USP47: variants seen among roughly 807,000 people sequenced by gnomAD.
USP47 encodes the protein ubiquitin carboxyl-terminal hydrolase 47.
A neutral mutation model predicts 165.1 loss-of-function variants in USP47; 35 were observed. That is an observed-to-expected ratio of 0.21 (90% CI 0.16 to 0.28). The LOEUF (loss-of-function observed/expected upper bound fraction) is 0.28, where lower values mean the gene tolerates loss of function less well. Among genes scored for constraint, USP47 ranks in the 10% least tolerant of loss-of-function variants. The pLI is 1.00. For synonymous variants in USP47, 531 were observed against 544.5 expected (o/e 0.98, Z 0.35); for missense variants, 1,277 against 1,607.4 (o/e 0.79, Z 3.52).
At chr11:11,851,977 G>T (rs1848755021) in intron 1 of USP47, among the ~76,000 whole-genome samples, 1 of 152,150 alleles carries the variant, frequency 6.6e-6, no homozygotes, top group Non-Finnish European at 1.5e-5. Context: ...GATCACTTGG[G>T]TAAGAGGGTG....
intron 1 of USP47, among the ~76,000 whole-genome samples, chr11:11,872,272 C>T (rs1054044260): frequency 3.3e-5 from 5 of 152,182 alleles, no homozygotes; most frequent in African/African-American, 1.2e-4. Flanking sequence ...GGCTTCCTTC[C>T]TCACAGCATG....
At position 11,873,847 on chromosome 11, in the gene USP47, G is replaced by C. The variant is rs889546704; in HGVS notation, c.40-6330G>C. 1.1e-5 allele frequency: 16 copies of C among 1,489,788 alleles called. No individual in the cohort carries two copies. In the African/African-American group the frequency reaches 1.8e-4, roughly 17 times the overall value. 92.3% of individuals were successfully genotyped at this position (1,489,788 alleles called of 1,614,324 possible). A position where few individuals can be genotyped will look rare whatever the true frequency, so the allele number is the denominator to read the frequency against. On this transcript the variant is annotated intron_variant, in intron 1 of 27. Coordinates refer to ENST00000527733, the MANE Select transcript of USP47 (RefSeq NM_001282659.2). Reference sequence around the variant, plus strand: ...AAAATATCTTTGATGAAATGAAGAAGAAATTTTTACAGGTAGACTGCTGAT... The same window carrying C: ...AAAATATCTTTGATGAAATGAAGAACAAATTTTTACAGGTAGACTGCTGAT...
intron 16 of USP47, among the ~76,000 whole-genome samples, chr11:11,935,883 C>G (rs1855024717): frequency 6.6e-6 from 1 of 151,888 alleles, no homozygotes; most frequent in Admixed American, 6.6e-5. Context: ...TTACTAGTTA[C>G]ATGAATTATC....
intron 1 of USP47, among the ~76,000 whole-genome samples, chr11:11,873,581 G>A (rs1000808850): frequency 1.3e-5 from 2 of 151,908 alleles, no homozygotes; most frequent in African/African-American, 4.8e-5. Context: ...TTATTAAAAT[G>A]GCTATTTCCA....
intron 8 of USP47, among the ~76,000 whole-genome samples, chr11:11,910,184 A>G (rs1852861147): frequency 6.6e-6 from 1 of 152,278 alleles, no homozygotes; most frequent in Admixed American, 6.5e-5. Flanking sequence ...TGAGCATTAT[A>G]TGTAAAATAA....
At position 11,929,524 on chromosome 11, in the gene USP47, G is replaced by T; in HGVS notation, c.1477G>T (p.Asp493Tyr). 1.2e-6 allele frequency: 2 copies of T among 1,613,288 alleles called. No individual in the cohort carries two copies. Among genetic ancestry groups the T allele is most frequent in the Non-Finnish European group, 1.7e-6 (2 of 1,179,390 alleles). ...HYYACIKSFSDEQWYSFNDQH... is the reference protein window; with the variant it reads ...HYYACIKSFSYEQWYSFNDQH... ...TTATGCATGTATAAAGTCATTCAGTGATGAGCAGTGGTACAGCTTCAATGA... is the reference window on the plus strand; with the variant it reads ...TTATGCATGTATAAAGTCATTCAGTTATGAGCAGTGGTACAGCTTCAATGA... Residue 493 changes from aspartate to tyrosine, a missense_variant, in exon 12 of 28, where the codon GAT (aspartate) becomes TAT (tyrosine). Around this residue, in one of 4 missense-constraint regions of USP47, gnomAD observed 909 missense variants for 1,068.1 expected, o/e 0.85. Transcript: ENST00000527733.
At chr11:11,890,702 C>A (rs992671299) in intron 3 of USP47, among the ~76,000 whole-genome samples, 7 of 152,134 alleles carry the variant, frequency 4.6e-5, no homozygotes, top group Admixed American at 4.6e-4. Flanking sequence ...TATAAAGATA[C>A]ATGCACTCAT....
intron 20 of USP47, among the ~76,000 whole-genome samples, chr11:11,946,570 T>C (rs1328992366): frequency 3.3e-5 from 5 of 152,140 alleles, no homozygotes; most frequent in Non-Finnish European, 2.9e-5. Context: ...TTTATCAGAG[T>C]AAAGTGACAA....
At chr11:11,885,780 C>T (rs1000721089) in intron 3 of USP47, among the ~76,000 whole-genome samples, 3 of 152,184 alleles carry the variant, frequency 2.0e-5, no homozygotes, top group African/African-American at 7.2e-5. Context: ...AGCTAAGACC[C>T]ACTGGCTTGG....
Position 11,930,676 on chromosome 11 carries a change from CTTT to C in USP47, c.1596-16_1596-14del. On this transcript the variant is annotated splice_polypyrimidine_tract_variant and intron_variant, in intron 13 of 27. Transcript: ENST00000527733. ...TAATCTACTTTTTGTCCTTATTAAT[CTTT>C]TTTATGTTTCTACTAGTTCCACAAA... is the stretch of plus-strand genomic sequence containing the variant. The C allele has an allele frequency of 3.2e-6, 5 of 1,574,892 alleles. No homozygotes were observed. Among genetic ancestry groups the C allele is most frequent in the Non-Finnish European group, 4.3e-6 (5 of 1,159,032 alleles).
chr11:11,868,150 G>A (rs1849802792), intron 1 of USP47, among the ~76,000 whole-genome samples: 1 of 151,536 alleles, frequency 6.6e-6, no homozygotes, highest in Non-Finnish European at 1.5e-5. Context: ...TCTTCACCCA[G>A]TCTACACTAA....
intron 8 of USP47, among the ~76,000 whole-genome samples, chr11:11,915,199 G>A (rs1291210694): frequency 6.6e-6 from 1 of 151,972 alleles, no homozygotes; most frequent in African/African-American, 2.4e-5. Context: ...GAATATCCAG[G>A]GAATTATTCC....
At chr11:11,870,073 T>C (rs1038305077) in intron 1 of USP47, among the ~76,000 whole-genome samples, 2 of 94,826 alleles carry the variant, frequency 2.1e-5, no homozygotes, top group African/African-American at 8.5e-5. Context: ...TTTCTGTTTC[T>C]TTTTTTTTTC....
At chr11:11,864,539 T>C (rs1466638679) in intron 1 of USP47, among the ~76,000 whole-genome samples, 1 of 151,848 alleles carries the variant, frequency 6.6e-6, no homozygotes, top group African/African-American at 2.4e-5. Context: ...GCCATTCCTC[T>C]CTGCCCCTAA....
At chr11:11,847,279 GT>G (rs760902600) in intron 1 of USP47, among the ~76,000 whole-genome samples, 2,267 of 141,936 alleles carry the variant, frequency 0.016, 54 homozygotes, top group African/African-American at 0.052. Context: ...TTTACATAGT[GT>G]TTTTTTTTTT....
rs1847298304 is a variant in USP47, at chr11:11,958,257, C to T, written c.*2082C>T. The T allele has an allele frequency of 6.6e-6, 1 of 152,180 alleles. No homozygotes were observed. The highest frequency in any genetic ancestry group is 1.5e-5 in the Non-Finnish European group (1 of 68,042). The allele number at this position is 152,180 out of a possible 1,614,324, so 9.4% of individuals were successfully genotyped here. A position where few individuals can be genotyped will look rare whatever the true frequency, so the allele number is the denominator to read the frequency against. On this transcript the variant is annotated 3_prime_UTR_variant, in exon 28 of 28. Coordinates refer to ENST00000527733, the MANE Select transcript of USP47 (RefSeq NM_001282659.2). ...CACTCTTTAGACTGTGCCTTCTGCT[C>T]TGTTCTTTGTTTTATGTTTAACTGC...
In USP47 at chr11:11,955,150, G is replaced by A. The variant is rs374377038; in HGVS notation, c.3879G>A (p.Ala1293=). Residue 1293 remains alanine, a synonymous_variant, in exon 27 of 28, where the codon GCG becomes GCA. Transcript: ENST00000527733. The part of the protein sequence containing the change: ...VWPLYICDDG[A]VIFYRDKTEE... ...CTCTTTATATCTGTGATGATGGTGC[G>A]GTCATATTTTATAGGTAACATTCAC... The A allele has an allele frequency of 1.0e-4, 161 of 1,611,818 alleles. No individual in the cohort carries two copies. The highest frequency in any genetic ancestry group is 1.8e-4 in the Admixed American group (11 of 59,614).
chr11:11,927,357 C>A (rs1403709375), intron 11 of USP47, among the ~76,000 whole-genome samples: 1 of 151,902 alleles, frequency 6.6e-6, no homozygotes, highest in Non-Finnish European at 1.5e-5. Context: ...TGTTGAGCTT[C>A]CAGGTCTGTT....
At chr11:11,871,192 A>T (rs1300494367) in intron 1 of USP47, among the ~76,000 whole-genome samples, 1 of 152,048 alleles carries the variant, frequency 6.6e-6, no homozygotes, top group South Asian at 2.1e-4. Context: ...CCTGTGCATT[A>T]TGAGATTTTA....
Sources: allele counts gnomAD v4.1 joint callset (sites outside exome capture counted in the v4.1 genomes callset), GRCh38; gene constraint gnomAD v4.1.1; regional missense constraint gnomAD v4.1.1; transcripts MANE v1.5; gene names NCBI Gene and HGNC (gene_info 2026-07-23, HGNC 2026-07-21).